SH3TC1: variants seen among roughly 807,000 people sequenced by gnomAD.
SH3TC1 encodes the protein SH3 domain and tetratricopeptide repeat-containing protein 1.
A neutral mutation model predicts 117.3 loss-of-function variants in SH3TC1; 135 were observed. The ratio of observed to expected loss-of-function variants is 1.15; its 90% CI spans 1.00 to 1.33. The LOEUF (loss-of-function observed/expected upper bound fraction) is 1.33. Ranked by LOEUF, SH3TC1 falls within the 40% of genes most tolerant of loss-of-function variation. SH3TC1 has a pLI of 0.00. For missense variants in SH3TC1, 2,092 were observed against 1,794.3 expected (o/e 1.17, Z -3.00); for synonymous variants, 898 against 816.9 (o/e 1.10, Z -1.69).
chr4:8,220,446 A>G (rs1459577576), intron 9 of SH3TC1, among the ~76,000 whole-genome samples: 4 of 152,142 alleles, frequency 2.6e-5, no homozygotes, highest in Non-Finnish European at 4.4e-5. Context: ...GCCACCCATG[A>G]CCTGCCTGCT....
rs916542374 is a variant in SH3TC1, at chr4:8,209,025, C to T, written c.173-723C>T. Among the ~76,000 whole-genome samples, 1 of 152,190 alleles carries T rather than the reference C, an allele frequency of 6.6e-6. No individual in the cohort carries two copies. The highest frequency in any genetic ancestry group is 2.4e-5 in the African/African-American group (1 of 41,440). Reference sequence around the variant, plus strand: ...GGCCAAGATGCAAACTCTGCAGGACCAATGGCCAGAGGGGTGACCCCCAGC... The same window carrying T: ...GGCCAAGATGCAAACTCTGCAGGACTAATGGCCAGAGGGGTGACCCCCAGC... On this transcript the variant is annotated intron_variant, in intron 2 of 17. Coordinates refer to ENST00000245105, the MANE Select transcript of SH3TC1 (RefSeq NM_018986.5). This position sits in a 1 kb window ranked among gnomAD's most constrained non-coding sequence, Gnocchi z 5.9.
upstream of SH3TC1, among the ~76,000 whole-genome samples, chr4:8,194,953 G>C (rs980571311): frequency 4.6e-5 from 7 of 152,194 alleles, no homozygotes; most frequent in African/African-American, 1.7e-4. Flanking sequence ...GAGGAACACA[G>C]GTTTGGTGCT....
intron 1 of SH3TC1, among the ~76,000 whole-genome samples, chr4:8,185,522 C>T (rs1717194086): frequency 6.6e-6 from 1 of 152,072 alleles, no homozygotes; most frequent in Admixed American, 6.6e-5. Context: ...CCTGCGGTTT[C>T]TTTTCACAAG....
At chr4:8,240,366 G>C (rs1722222126) in intron 17 of SH3TC1, among the ~76,000 whole-genome samples, 1 of 152,200 alleles carries the variant, frequency 6.6e-6, no homozygotes, top group African/African-American at 2.4e-5. Flanking sequence ...TGCTGTGGCT[G>C]GGAGCCATGG....
rs142715679 is a variant in SH3TC1 at position 8,236,133 on chromosome 4, G to T, written c.3406-145G>T. 4,493 of 1,070,740 alleles carry T rather than the reference G, an allele frequency of 4.2e-3. 161 individuals carry two copies. The South Asian group carries it at 0.062, about 15-fold the overall frequency. 66.3% of individuals were successfully genotyped at this position (1,070,740 alleles called of 1,614,324 possible). A position where few individuals can be genotyped will look rare whatever the true frequency, so the allele number is the denominator to read the frequency against. On this transcript the variant is annotated intron_variant, in intron 15 of 17. Coordinates refer to ENST00000245105, the MANE Select transcript of SH3TC1 (RefSeq NM_018986.5). ...AGCCCCTAGCTTGGGTGTCTGAACC[G>T]CCCTTTATCTCAGAGCACACAGCTG...
chr4:8,214,248 G>A (rs755599101), intron 4 of SH3TC1, among the ~76,000 whole-genome samples: 3 of 152,130 alleles, frequency 2.0e-5, no homozygotes, highest in Admixed American at 6.5e-5. Flanking sequence ...TGGGGGCCAC[G>A]TGAGCTCTGG....
intron 1 of SH3TC1, among the ~76,000 whole-genome samples, chr4:8,200,647 G>A (rs1211083829): frequency 2.0e-5 from 3 of 152,250 alleles, no homozygotes; most frequent in African/African-American, 2.4e-5. Flanking sequence ...AGCAGCGCAC[G>A]GGTGCGCCGG....
rs778097081 is a variant in SH3TC1 at position 8,205,986 on chromosome 4, C to G, written c.172+620C>G. 2.4e-5 allele frequency: 9 copies of G among 381,730 alleles called. No individual in the cohort carries two copies. Among genetic ancestry groups the G allele is most frequent in the Non-Finnish European group, 3.8e-5 (8 of 209,822 alleles). The allele number at this position is 381,730 out of a possible 1,614,324, so 23.6% of individuals were successfully genotyped here. A position where few individuals can be genotyped will look rare whatever the true frequency, so the allele number is the denominator to read the frequency against. ...CTGCGGTTGTGACCCGTCCCTGGGC[C>G]TCGTCCTCCCAGTGTCCAGCCTCAG... is the stretch of plus-strand genomic sequence containing the variant. On this transcript the variant is annotated intron_variant, in intron 2 of 17. Transcript: ENST00000245105. The surrounding 1 kb of genome is among the most constrained non-coding windows in gnomAD (Gnocchi z 5.4).
At chr4:8,234,314 C>G (rs1481433219) in intron 14 of SH3TC1, among the ~76,000 whole-genome samples, 2 of 151,768 alleles carry the variant, frequency 1.3e-5, no homozygotes, top group African/African-American at 4.9e-5. Context: ...ACCCATCTAC[C>G]CATTAATCCA....
At position 8,210,926 on chromosome 4, in the gene SH3TC1, A is replaced by C. The variant is rs945733333; in HGVS notation, c.247+1104A>C. Among the ~76,000 whole-genome samples, 3 of 151,684 alleles carry C rather than the reference A, an allele frequency of 2.0e-5. No individual in the cohort carries two copies. Among genetic ancestry groups the C allele is most frequent in the Non-Finnish European group, 4.4e-5 (3 of 67,956 alleles). ...TTTGCTCAAGGGTCCCCTAGCAGAA[A>C]ACTCTCAGGCAGGTGCTTTAAGCTT... On this transcript the variant is annotated intron_variant, in intron 3 of 17. Transcript: ENST00000245105. The surrounding 1 kb of genome is among the most constrained non-coding windows in gnomAD (Gnocchi z 4.1).
rs758899838 is a variant in SH3TC1, at chr4:8,217,011, G to C, written c.683G>C (p.Arg228Pro). 6.2e-7 allele frequency: 1 copy of C among 1,613,872 alleles called. No individual in the cohort carries two copies. Among genetic ancestry groups the C allele is most frequent in the Non-Finnish European group, 8.5e-7 (1 of 1,179,908 alleles). The change falls in exon 7 of 18, where the codon CGG becomes CCG. Residue 228 changes from arginine (R) to proline (P), a missense_variant. By Grantham distance (103) the Arg-to-Pro change is moderately radical (BLOSUM62 -2). Transcript: ENST00000245105. ...DHHVRVMTGP[R>P]DAGNGPQALR... ...CATGTGAGAGTGATGACGGGTCCCC[G>C]GGATGCAGGAAATGGCCCCCAGGCC...
At chr4:8,238,168 G>A (rs1721990380) in intron 17 of SH3TC1, among the ~76,000 whole-genome samples, 3 of 152,142 alleles carry the variant, frequency 2.0e-5, no homozygotes, top group Non-Finnish European at 4.4e-5. Context: ...GGAGTCCCGA[G>A]ACACCTTGAA....
At chr4:8,235,299 G>C in intron 14 of SH3TC1, 134 bp from the exon 15 acceptor site, 1 of 1,139,332 alleles carries the variant, frequency 8.8e-7, no homozygotes, top group Non-Finnish European at 1.1e-6. Flanking sequence ...CGGCCCTAAT[G>C]CACAGGGTCT....
rs761189264 is a variant in SH3TC1 at position 8,225,078 on chromosome 4, A to G, written c.1244-97A>G. On this transcript the variant is annotated intron_variant, in intron 10 of 17. Transcript: ENST00000245105. This position sits in a 1 kb window ranked among gnomAD's most constrained non-coding sequence, Gnocchi z 5.5. ...CAGCCCTCAATACCTGCACCCAGCA[A>G]TGCTCTCACCCTGCAACATCGACAC... 6.2e-6 allele frequency: 9 copies of G among 1,445,888 alleles called. No individual in the cohort carries two copies. The highest frequency in any genetic ancestry group is 6.7e-6 in the Non-Finnish European group (7 of 1,042,674). 89.6% of individuals were successfully genotyped at this position (1,445,888 alleles called of 1,614,324 possible).
In SH3TC1 at chr4:8,205,738, AG is replaced by A. The variant is rs757838324; in HGVS notation, c.172+374del. ...TCAGGATGAGGCATCCTCGTTCTCC[AG>A]GAGGCACCCAAGGTGCAGAGAGGGA... On this transcript the variant is annotated intron_variant, in intron 2 of 17. Transcript: ENST00000245105. The surrounding 1 kb of genome is among the most constrained non-coding windows in gnomAD (Gnocchi z 5.4). The A allele has an allele frequency of 2.8e-5, 19 of 684,010 alleles. No homozygotes were observed. Among genetic ancestry groups the A allele is most frequent in the East Asian group, 2.4e-4 (9 of 36,826 alleles). The allele number at this position is 684,010 out of a possible 1,614,324, so 42.4% of individuals were successfully genotyped here. A position where few individuals can be genotyped will look rare whatever the true frequency, so the allele number is the denominator to read the frequency against.
At chr4:8,191,643 G>A (rs538963019) in intron 1 of SH3TC1, among the ~76,000 whole-genome samples, 1 of 152,214 alleles carries the variant, frequency 6.6e-6, no homozygotes, top group Non-Finnish European at 1.5e-5. Context: ...CCAGGCTAGC[G>A]GCTTATCATG....
At chr4:8,200,171 G>A (rs1003752390) in intron 1 of SH3TC1, among the ~76,000 whole-genome samples, 10 of 152,228 alleles carry the variant, frequency 6.6e-5, no homozygotes, top group Admixed American at 2.6e-4. Flanking sequence ...TAGCGGTGTC[G>A]GCCAGTGCCA....
At chr4:8,198,788 C>T (rs551730932), upstream of SH3TC1, among the ~76,000 whole-genome samples, 33 of 152,334 alleles carry the variant, frequency 2.2e-4, no homozygotes, top group African/African-American at 7.0e-4. Context: ...CGGGCAGAGA[C>T]GGAAGAAATT....
In SH3TC1 at chr4:8,227,694, C is replaced by T. The variant is rs1157164718; in HGVS notation, c.2000C>T (p.Ala667Val). The change falls in exon 12 of 18, where the codon GCC (alanine) becomes GTC (valine). Residue 667 changes from alanine to valine, a missense_variant. By Grantham distance (64) the Ala-to-Val change is moderately conservative. Coordinates refer to ENST00000245105, the MANE Select transcript of SH3TC1 (RefSeq NM_018986.5). ...CAGAGCCTGCAGGCCGAGGCCCGGG[C>T]CTGCTTCCTGCTGGCCAGGCACCAC... The part of the protein sequence containing the change: ...GGQSLQAEAR[A>V]CFLLARHHVH... The T allele has an allele frequency of 6.4e-7, 1 of 1,559,072 alleles. No homozygotes were observed. Among genetic ancestry groups the T allele is most frequent in the Non-Finnish European group, 8.7e-7 (1 of 1,150,720 alleles).
Sources: allele counts gnomAD v4.1 joint callset (sites outside exome capture counted in the v4.1 genomes callset), GRCh38; gene constraint gnomAD v4.1.1; non-coding constraint Gnocchi (gnomAD v3.1); transcripts MANE v1.5; gene names NCBI Gene and HGNC (gene_info 2026-07-23, HGNC 2026-07-21).